Variants in ADGRB3 observed in about 807,000 individuals in gnomAD.
ADGRB3 encodes brain-specific angiogenesis inhibitor 3.
ADGRB3 carries 37 observed loss-of-function variants against 193.4 expected under a neutral mutation model. The observed-to-expected ratio is 0.19, with a 90% CI of 0.15 to 0.25. ADGRB3 has a LOEUF of 0.25. Among genes scored for constraint, ADGRB3 ranks in the 10% least tolerant of loss-of-function variants. The pLI is 1.00. For synonymous variants in ADGRB3, 690 were observed against 644.2 expected, an observed-to-expected ratio of 1.07 and a Z score of -1.08; for missense variants, 1,637 against 1,852.9, an observed-to-expected ratio of 0.88 and a Z score of 2.14.
intron 17 of ADGRB3, among the ~76,000 whole-genome samples, chr6:69,166,962 G>A (rs896201112): frequency 4.6e-5 from 7 of 152,058 alleles, no homozygotes; most frequent in Non-Finnish European, 1.0e-4. Flanking sequence ...TGATGTTCAA[G>A]TTAACAATTA....
At chr6:68,945,566 T>C (rs147724813) in intron 6 of ADGRB3, among the ~76,000 whole-genome samples, 30 of 152,270 alleles carry the variant, frequency 2.0e-4, no homozygotes, top group African/African-American at 7.2e-4. Context: ...TTTACTCTTA[T>C]TTGTCCATGA....
intron 19 of ADGRB3, among the ~76,000 whole-genome samples, chr6:69,238,007 T>G (rs1027660148): frequency 9.2e-5 from 14 of 152,140 alleles, no homozygotes; most frequent in African/African-American, 3.1e-4. Flanking sequence ...CTCCTTTGTG[T>G]ATTTTATTGT....
chr6:69,045,069 C>G (rs1737086762), intron 13 of ADGRB3, among the ~76,000 whole-genome samples: 1 of 152,072 alleles, frequency 6.6e-6, no homozygotes, highest in African/African-American at 2.4e-5. Flanking sequence ...TAAATCTTAC[C>G]TCTTTTGTAT....
At chr6:69,185,849 G>C (rs1765055050) in intron 17 of ADGRB3, among the ~76,000 whole-genome samples, 2 of 151,906 alleles carry the variant, frequency 1.3e-5, no homozygotes, top group Admixed American at 1.3e-4. Context: ...ATAAGAATCT[G>C]GTATCTAATT....
chr6:69,254,555 TA>T (rs1194287257), intron 20 of ADGRB3, among the ~76,000 whole-genome samples: 1 of 152,116 alleles, frequency 6.6e-6, no homozygotes, highest in African/African-American at 2.4e-5. Flanking sequence ...TTTTATTTTT[TA>T]TACTGTCAAG....
intron 3 of ADGRB3, among the ~76,000 whole-genome samples, chr6:68,810,561 G>A (rs143970992): frequency 1.3e-5 from 2 of 152,298 alleles, no homozygotes; most frequent in Non-Finnish European, 2.9e-5. Flanking sequence ...GAAGTCAACG[G>A]ATCTTTCCAG....
chr6:69,233,484 G>A (rs1766195697), intron 18 of ADGRB3, 68 bp downstream of exon 18: 3 of 1,582,410 alleles, frequency 1.9e-6, no homozygotes, highest in Admixed American at 1.8e-5. Context: ...GTTTCTCCAG[G>A]GAACTGCATT....
intron 3 of ADGRB3, among the ~76,000 whole-genome samples, chr6:68,748,798 C>A (rs2127345995): frequency 6.6e-6 from 1 of 152,324 alleles, no homozygotes; most frequent in South Asian, 2.1e-4. Flanking sequence ...AGCAGAGGTT[C>A]TCCATGAGGA....
At chr6:69,137,653 C>T (rs1377647746) in intron 17 of ADGRB3, among the ~76,000 whole-genome samples, 1 of 151,850 alleles carries the variant, frequency 6.6e-6, no homozygotes, top group Non-Finnish European at 1.5e-5. Context: ...AAAAATTAGC[C>T]GGGCATGGTG....
Position 68,956,557 on chromosome 6 carries a change from G to A in ADGRB3, c.1361-88G>A, listed in dbSNP as rs780388874. 707 of 1,488,856 alleles carry A rather than the reference G, an allele frequency of 4.7e-4. 1 individual carries two copies. The highest frequency in any genetic ancestry group is 6.0e-4 in the Non-Finnish European group (649 of 1,085,348). 92.2% of individuals were successfully genotyped at this position (1,488,856 alleles called of 1,614,324 possible). A position where few individuals can be genotyped will look rare whatever the true frequency, so the allele number is the denominator to read the frequency against. ...TTCACAGTAGTAGATTAACAAAAATGGAAGGGGTAGTAACATTCTCAGATT... is the reference window on the plus strand; with the variant it reads ...TTCACAGTAGTAGATTAACAAAAATAGAAGGGGTAGTAACATTCTCAGATT... On this transcript the variant is annotated intron_variant, in intron 7 of 31. Coordinates refer to ENST00000370598, the MANE Select transcript of ADGRB3 (RefSeq NM_001704.3).
intron 29 of ADGRB3, among the ~76,000 whole-genome samples, chr6:69,369,171 C>T (rs1010416680): frequency 6.6e-6 from 1 of 152,028 alleles, no homozygotes; most frequent in Non-Finnish European, 1.5e-5. Context: ...TAATTTAAAA[C>T]ATACATAACA....
rs183680265 is a variant in ADGRB3 at position 68,883,846 on chromosome 6, A to G, written c.758-46713A>G. On this transcript the variant is annotated intron_variant, in intron 3 of 31. Transcript: ENST00000370598. Reference sequence around the variant, plus strand: ...GACAAAGAACCCACCAATTCTGGACACAGAAATACTGAGGCAAGATAGTTA... The same window carrying G: ...GACAAAGAACCCACCAATTCTGGACGCAGAAATACTGAGGCAAGATAGTTA... Among the ~76,000 whole-genome samples, 9 of 152,344 alleles carry G rather than the reference A, an allele frequency of 5.9e-5. No individual in the cohort carries two copies. In the East Asian group the frequency reaches 1.7e-3, roughly 29 times the overall value.
chr6:68,970,406 C>T (rs1375158034), intron 8 of ADGRB3, among the ~76,000 whole-genome samples: 3 of 151,800 alleles, frequency 2.0e-5, no homozygotes, highest in Admixed American at 6.6e-5. Flanking sequence ...TGCTTCAGCA[C>T]CTGTAGCTGG....
At chr6:69,000,070 C>CT (rs2150278415) in intron 11 of ADGRB3, among the ~76,000 whole-genome samples, 1 of 152,126 alleles carries the variant, frequency 6.6e-6, no homozygotes, top group East Asian at 1.9e-4. Flanking sequence ...GCTCCAGAAA[C>CT]TTTAAGACTT....
intron 11 of ADGRB3, among the ~76,000 whole-genome samples, chr6:68,995,352 A>T (rs928400812): frequency 6.6e-6 from 1 of 152,208 alleles, no homozygotes; most frequent in Non-Finnish European, 1.5e-5. Context: ...TCACAGTTGA[A>T]ACATTAGGTA....
intron 13 of ADGRB3, among the ~76,000 whole-genome samples, chr6:69,030,959 T>TCTTC (rs1554248213): frequency 1.1e-5 from 1 of 88,636 alleles, no homozygotes; most frequent in Non-Finnish European, 2.4e-5. Flanking sequence ...TTTTCTTTTT[T>TCTTC]TCTTTTCTTT....
chr6:69,122,500 A>G (rs1335839957), intron 17 of ADGRB3, among the ~76,000 whole-genome samples: 11 of 52,784 alleles, frequency 2.1e-4, no homozygotes, highest in African/African-American at 3.9e-4. Context: ...GGGGAGGGGG[A>G]GAGGGAGAGG....
chr6:68,665,661 G>T (rs758743781), intron 3 of ADGRB3, among the ~76,000 whole-genome samples: 1 of 151,532 alleles, frequency 6.6e-6, no homozygotes, highest in African/African-American at 2.4e-5. Context: ...GCTAATTGGG[G>T]CTTCATTTTT....
chr6:69,102,577 A>T (rs964928070), intron 17 of ADGRB3, among the ~76,000 whole-genome samples: 4 of 152,136 alleles, frequency 2.6e-5, no homozygotes, highest in Admixed American at 6.5e-5. Context: ...GCTAACGGGG[A>T]GCAGAGGCAT....
Sources: allele counts gnomAD v4.1 joint callset (sites outside exome capture counted in the v4.1 genomes callset), GRCh38; gene constraint gnomAD v4.1.1; transcripts MANE v1.5; gene names NCBI Gene and HGNC (gene_info 2026-07-23, HGNC 2026-07-21).